The following ACSS3 variants were observed in gnomAD, a reference collection of about 807,000 sequenced individuals.
The protein encoded by ACSS3 is acyl-CoA synthetase short-chain family member 3, mitochondrial.
In ACSS3, 64 loss-of-function variants were observed where a neutral mutation model predicts 84.2. The observed-to-expected ratio is 0.76, with a 90% CI of 0.62 to 0.94. The LOEUF (loss-of-function observed/expected upper bound fraction) is 0.94. Among genes scored for constraint, ACSS3 ranks in the 40% least tolerant of loss-of-function variants. The probability of loss-of-function intolerance (pLI) is 0.00; values close to 1 mark genes in which losing one functional copy is unlikely to be tolerated. For missense variants in ACSS3, 815 were observed against 867.6 expected (o/e 0.94, Z 0.76); for synonymous variants, 317 against 310.1 (o/e 1.02, Z -0.23).
intron 2 of ACSS3, among the ~76,000 whole-genome samples, chr12:81,125,177 G>A (rs574748752): frequency 2.0e-5 from 3 of 152,086 alleles, no homozygotes; most frequent in South Asian, 4.1e-4. Context: ...TTGCGCCACC[G>A]CACTCCAGCC....
At chr12:81,123,059 C>A (rs1884771631) in intron 2 of ACSS3, among the ~76,000 whole-genome samples, 1 of 105,566 alleles carries the variant, frequency 9.5e-6, no homozygotes. Context: ...AATGCATTTG[C>A]AGTAAAAAAA....
At chr12:81,130,493 A>G (rs1258117243) in intron 2 of ACSS3, among the ~76,000 whole-genome samples, 1 of 152,024 alleles carries the variant, frequency 6.6e-6, no homozygotes, top group African/African-American at 2.4e-5. Flanking sequence ...TTTCTTGTAA[A>G]TTTGTTTAAG....
At chr12:81,090,692 G>A (rs1848607194) in intron 1 of ACSS3, among the ~76,000 whole-genome samples, 1 of 151,956 alleles carries the variant, frequency 6.6e-6, no homozygotes, top group Admixed American at 6.6e-5. Flanking sequence ...TGAGGCAGTT[G>A]GCTTCCTTTG....
At chr12:81,190,542 T>A (rs80219528) in intron 8 of ACSS3, among the ~76,000 whole-genome samples, 3,345 of 152,048 alleles carry the variant, frequency 0.022, 81 homozygotes, top group South Asian at 0.11. Flanking sequence ...ATGTACAGAG[T>A]CATGTAGTTT....
In ACSS3 at chr12:81,107,535, T is replaced by C. The variant is rs1429806600; in HGVS notation, c.312-2025T>C. On this transcript the variant is annotated intron_variant, in intron 1 of 15. Transcript: ENST00000548058. ...ACATATATATATATATATATATATA[T>C]ATATATATATATATATATATATATA... Among the ~76,000 whole-genome samples, 235 of 111,006 alleles carry C rather than the reference T, an allele frequency of 2.1e-3. 5 individuals are homozygous for C. The highest frequency in any genetic ancestry group is 3.4e-3 in the Non-Finnish European group (184 of 53,968). The allele number at this position is 111,006 out of a possible 152,430, so 72.8% of individuals were successfully genotyped here. A position where few individuals can be genotyped will look rare whatever the true frequency, so the allele number is the denominator to read the frequency against.
chr12:81,134,602 T>C (rs767785785), intron 2 of ACSS3, among the ~76,000 whole-genome samples: 4 of 152,122 alleles, frequency 2.6e-5, no homozygotes, highest in African/African-American at 9.7e-5. Flanking sequence ...TTATGTGACA[T>C]AATAATAGTA....
intron 11 of ACSS3, among the ~76,000 whole-genome samples, chr12:81,226,964 TACAC>T (rs34439721): frequency 0.067 from 9,963 of 148,682 alleles, 595 homozygotes; most frequent in African/African-American, 0.17. Context: ...CAATAGGATT[TACAC>T]ACACACACAC....
intron 4 of ACSS3, 137 bp downstream of exon 4, chr12:81,139,402 A>T (rs185388985): frequency 0.032 from 30,505 of 968,266 alleles, 786 homozygotes; most frequent in South Asian, 0.11. Context: ...TCTAAAAAAT[A>T]TATGAATAAG....
At chr12:81,252,944 G>T (rs993924131) in intron 13 of ACSS3, among the ~76,000 whole-genome samples, 1 of 152,164 alleles carries the variant, frequency 6.6e-6, no homozygotes, top group Non-Finnish European at 1.5e-5. Context: ...CCATGAGGCT[G>T]CCTGTTTACA....
At chr12:81,223,862 A>G (rs58050840) in intron 11 of ACSS3, among the ~76,000 whole-genome samples, 8,206 of 151,992 alleles carry the variant, frequency 0.054, 394 homozygotes, top group African/African-American at 0.13. Flanking sequence ...AAAATAGACC[A>G]TCTTTTATCT....
At chr12:81,207,490 T>C (rs1208563442) in intron 9 of ACSS3, among the ~76,000 whole-genome samples, 3 of 152,174 alleles carry the variant, frequency 2.0e-5, no homozygotes, top group African/African-American at 7.2e-5. Context: ...TCAGGACTAA[T>C]TGAAAGCTTT....
chr12:81,253,817 A>G (rs967278782), intron 15 of ACSS3, 147 bp downstream of exon 15: 3 of 788,488 alleles, frequency 3.8e-6, no homozygotes, highest in Non-Finnish European at 5.8e-6. Context: ...GTTAAGGGAG[A>G]GATTATATAG....
chr12:81,218,083 TA>T (rs754128865), intron 10 of ACSS3, among the ~76,000 whole-genome samples: 1 of 152,120 alleles, frequency 6.6e-6, no homozygotes, highest in Non-Finnish European at 1.5e-5. Flanking sequence ...TAAATAAGAG[TA>T]ACATTTTTAT....
At chr12:81,188,072 T>C (rs183231604) in intron 8 of ACSS3, among the ~76,000 whole-genome samples, 2 of 152,098 alleles carry the variant, frequency 1.3e-5, no homozygotes, top group African/African-American at 4.8e-5. Context: ...TATACTTTTT[T>C]ATTTAGTATT....
chr12:81,178,222 C>G (rs1451235322), intron 8 of ACSS3, among the ~76,000 whole-genome samples: 1 of 149,838 alleles, frequency 6.7e-6, no homozygotes, highest in Non-Finnish European at 1.5e-5. Context: ...GGACAAAAAA[C>G]CAAACACCGC....
rs148566917 is a variant in ACSS3 at position 81,194,401 on chromosome 12, G to A, written c.1251-4940G>A. The stretch of plus-strand genomic sequence containing the variant: ...AATAACAATAACTTTTTGATAGTTT[G>A]AGGAATTTTAATACAAAAATAAATG... On this transcript the variant is annotated intron_variant, in intron 8 of 15. Transcript: ENST00000548058. Among the ~76,000 whole-genome samples the A allele has an allele frequency of 6.5e-3, 983 of 151,924 alleles. 6 individuals are homozygous for A. Among genetic ancestry groups the A allele is most frequent in the African/African-American group, 0.022 (918 of 41,544 alleles).
intron 7 of ACSS3, among the ~76,000 whole-genome samples, chr12:81,157,947 C>T (rs1886963878): frequency 6.6e-6 from 1 of 151,756 alleles, no homozygotes; most frequent in Non-Finnish European, 1.5e-5. Context: ...CACACACACA[C>T]ACACACACAC....
chr12:81,115,595 C>G (rs1883971913), intron 2 of ACSS3, among the ~76,000 whole-genome samples: 1 of 152,090 alleles, frequency 6.6e-6, no homozygotes, highest in Non-Finnish European at 1.5e-5. Context: ...GCCACCACAC[C>G]TGACCAAATG....
At chr12:81,143,980 T>C (rs2135734387) in intron 5 of ACSS3, among the ~76,000 whole-genome samples, 1 of 152,294 alleles carries the variant, frequency 6.6e-6, no homozygotes, top group South Asian at 2.1e-4. Context: ...CTCATCTTTA[T>C]TAGGTGGTTT....
Sources: gnomAD v4.1 joint callset for allele counts (sites outside exome capture counted in the v4.1 genomes callset) on GRCh38, gnomAD v4.1.1 for gene constraint, MANE v1.5 for transcripts, NCBI Gene and HGNC (gene_info 2026-07-23, HGNC 2026-07-21) for gene names.